The following TP53BP2 variants were observed in gnomAD, a reference collection of about 807,000 sequenced individuals.
The protein encoded by TP53BP2 is tumor protein p53 binding protein 2.
In TP53BP2, 62 loss-of-function variants were observed where a neutral mutation model predicts 126.2. The ratio of observed to expected loss-of-function variants is 0.49; its 90% CI spans 0.40 to 0.61. The LOEUF is 0.61. TP53BP2 is among the 20% of genes least tolerant of loss of function. The pLI is 0.00. For synonymous variants in TP53BP2, 485 were observed against 502.9 expected (o/e 0.96, Z 0.48); for missense variants, 1,215 against 1,402.8 (o/e 0.87, Z 2.14).
At chr1:223,806,222 A>G (rs1003843745) in intron 5 of TP53BP2, among the ~76,000 whole-genome samples, 1 of 152,158 alleles carries the variant, frequency 6.6e-6, no homozygotes, top group Non-Finnish European at 1.5e-5. Flanking sequence ...TGTGGCCCAG[A>G]GTAGTTCCTA....
At chr1:223,841,353 C>G (rs938707560) in intron 1 of TP53BP2, among the ~76,000 whole-genome samples, 14 of 152,140 alleles carry the variant, frequency 9.2e-5, no homozygotes, top group Admixed American at 9.2e-4. Context: ...ATAGGAACCT[C>G]TCTTTAGGGA....
chr1:223,817,544 A>G (rs1026001534), intron 2 of TP53BP2, among the ~76,000 whole-genome samples: 10 of 152,304 alleles, frequency 6.6e-5, no homozygotes, highest in African/African-American at 1.7e-4. Flanking sequence ...TTACTGCAGC[A>G]CTTATTAAAA....
At chr1:223,826,547 G>A (rs950250945) in intron 1 of TP53BP2, among the ~76,000 whole-genome samples, 1 of 152,188 alleles carries the variant, frequency 6.6e-6, no homozygotes, top group Admixed American at 6.5e-5. Flanking sequence ...GGGGAAATGG[G>A]AAGTGACTGC....
intron 1 of TP53BP2, among the ~76,000 whole-genome samples, chr1:223,829,755 G>A (rs1290215756): frequency 6.6e-6 from 1 of 150,656 alleles, no homozygotes; most frequent in Non-Finnish European, 1.5e-5. Flanking sequence ...AAAAACAGCT[G>A]TTACAGATTT....
At position 223,830,955 on chromosome 1, in the gene TP53BP2, G is replaced by A. The variant is rs188911139; in HGVS notation, c.28-9588C>T. ...TACTAAAAATACAAAAAAATTAGCC[G>A]GGCATGGTGGCGGGCGCCTGTAGTC... On this transcript the variant is annotated intron_variant, in intron 1 of 17. Coordinates refer to ENST00000343537, the MANE Select transcript of TP53BP2 (RefSeq NM_001031685.3). 1.8e-3 allele frequency among the ~76,000 whole-genome samples: 270 copies of A among 152,096 alleles called. 2 individuals are homozygous for A. Among genetic ancestry groups the A allele is most frequent in the South Asian group, 0.011 (55 of 4,824 alleles).
In TP53BP2 at chr1:223,786,002, GGGAGGGAA is replaced by G. The variant is rs972013291; in HGVS notation, c.3164-1696_3164-1689del. Among the ~76,000 whole-genome samples, 15 of 152,076 alleles carry G rather than the reference GGGAGGGAA, an allele frequency of 9.9e-5. No individual in the cohort carries two copies. The South Asian group carries it at 1.5e-3, about 15-fold the overall frequency. On this transcript the variant is annotated intron_variant, in intron 16 of 17. Transcript: ENST00000343537. The stretch of plus-strand genomic sequence containing the variant: ...GTTTACAGTGGAAGGAAAGGAAGGA[GGGAGGGAA>G]GGAGGGAAGGAGGGAAACAGCACAC...
rs182590384 is a variant in TP53BP2, at chr1:223,834,469, G to T, written c.27+11185C>A. ...AATTTCACTAGCAGATAACAACAGT[G>T]TGTATTAATCTATGTAGTATATATT... On this transcript the variant is annotated intron_variant, in intron 1 of 17. Coordinates refer to ENST00000343537, the MANE Select transcript of TP53BP2 (RefSeq NM_001031685.3). Among the ~76,000 whole-genome samples the T allele has an allele frequency of 6.6e-5, 10 of 152,260 alleles. No homozygotes were observed. In the East Asian group the frequency reaches 1.7e-3, roughly 26 times the overall value.
chr1:223,836,650 G>C (rs1221080182), intron 1 of TP53BP2, among the ~76,000 whole-genome samples: 2 of 152,186 alleles, frequency 1.3e-5, no homozygotes, highest in Non-Finnish European at 2.9e-5. Flanking sequence ...CACCAGGGAA[G>C]CAGTGTGTTA....
At chr1:223,823,149 A>G (rs963087603) in intron 1 of TP53BP2, among the ~76,000 whole-genome samples, 2 of 152,214 alleles carry the variant, frequency 1.3e-5, no homozygotes, top group African/African-American at 4.8e-5. Context: ...CCACAATGAC[A>G]GGAGGACATC....
At chr1:223,810,629 TA>T (rs1243155816) in intron 3 of TP53BP2, 116 bp from the exon 4 acceptor site, 6 of 735,338 alleles carry the variant, frequency 8.2e-6, no homozygotes, top group Admixed American at 3.1e-5. Context: ...AATGTATTCT[TA>T]AAACAAAATA....
chr1:223,785,807 G>A (rs1033235271), intron 16 of TP53BP2, among the ~76,000 whole-genome samples: 8 of 152,052 alleles, frequency 5.3e-5, no homozygotes, highest in African/African-American at 4.8e-5. Context: ...CAATCTTACC[G>A]GTAACTTGGG....
Position 223,798,337 on chromosome 1 carries a change from G to A in TP53BP2, c.1826C>T (p.Thr609Ile), listed in dbSNP as rs768717889. ...GGAATATATTGAACTTGCTGCCACGGTCTGGGGTTTTCTGAAGGGTGGAAG... is the reference window on the plus strand; with the variant it reads ...GGAATATATTGAACTTGCTGCCACGATCTGGGGTTTTCTGAAGGGTGGAAG... ...TLLPPFRKPQTVAASSIYSMY... is the reference protein window; with the variant it reads ...TLLPPFRKPQIVAASSIYSMY... Residue 609 changes from threonine to isoleucine, a missense_variant, in exon 12 of 18, where the codon ACC (threonine) becomes ATC (isoleucine). By Grantham distance (89) the Thr-to-Ile change is moderately conservative. Around this residue, in one of 4 missense-constraint regions of TP53BP2, gnomAD observed 814 missense variants for 853.0 expected, o/e 0.95. Coordinates refer to ENST00000343537, the MANE Select transcript of TP53BP2 (RefSeq NM_001031685.3). 1 of 1,614,188 alleles carries A rather than the reference G, an allele frequency of 6.2e-7. No homozygotes were observed. The highest frequency in any genetic ancestry group is 1.1e-5 in the South Asian group (1 of 91,084).
chr1:223,813,604 C>A (rs1342646063), intron 3 of TP53BP2, among the ~76,000 whole-genome samples: 1 of 152,152 alleles, frequency 6.6e-6, no homozygotes, highest in Non-Finnish European at 1.5e-5. Context: ...GTTTTCTAGA[C>A]AATTGCCTAG....
intron 1 of TP53BP2, among the ~76,000 whole-genome samples, chr1:223,829,414 C>T (rs550650171): frequency 2.6e-5 from 4 of 152,146 alleles, no homozygotes; most frequent in South Asian, 4.1e-4. Flanking sequence ...CTGAGGTAGA[C>T]GAGGTTTCAA....
intron 4 of TP53BP2, among the ~76,000 whole-genome samples, chr1:223,807,321 T>C (rs1662757866): frequency 6.6e-6 from 1 of 152,196 alleles, no homozygotes; most frequent in African/African-American, 2.4e-5. Flanking sequence ...GCAGCAAACC[T>C]AGAATTTAGT....
At chr1:223,789,271 A>G in intron 15 of TP53BP2, 97 bp from the exon 16 acceptor site, 1 of 1,418,700 alleles carries the variant, frequency 7.0e-7, no homozygotes, top group South Asian at 1.3e-5. Flanking sequence ...TCTCTCATCT[A>G]CCAAGTTTTC....
At chr1:223,787,071 T>C (rs1183739300) in intron 16 of TP53BP2, among the ~76,000 whole-genome samples, 1 of 152,024 alleles carries the variant, frequency 6.6e-6, no homozygotes, top group Non-Finnish European at 1.5e-5. Flanking sequence ...AATTTTTGTA[T>C]TTTTAGTACA....
At chr1:223,786,573 C>CGT (rs915377016) in intron 16 of TP53BP2, among the ~76,000 whole-genome samples, 48 of 127,332 alleles carry the variant, frequency 3.8e-4, no homozygotes, top group African/African-American at 1.3e-3. Flanking sequence ...TGTGTGTGTG[C>CGT]GTGTGTGCGT....
chr1:223,805,011 C>T (rs573505213), intron 5 of TP53BP2, among the ~76,000 whole-genome samples: 1 of 152,248 alleles, frequency 6.6e-6, no homozygotes, highest in South Asian at 2.1e-4. Flanking sequence ...TGTTTCTTTC[C>T]CCTGCCCCAA....
Sources: gnomAD v4.1 joint callset for allele counts (sites outside exome capture counted in the v4.1 genomes callset) on GRCh38, gnomAD v4.1.1 for gene constraint, gnomAD v4.1.1 regional missense constraint, MANE v1.5 for transcripts, NCBI Gene and HGNC (gene_info 2026-07-23, HGNC 2026-07-21) for gene names.